The following GRP variants were observed in gnomAD, a reference collection of about 807,000 sequenced individuals.
The protein encoded by GRP is gastrin releasing peptide.
Under a neutral mutation model 12.7 loss-of-function variants are expected in GRP, and 11 were observed. The observed-to-expected ratio is 0.87, with a 90% CI of 0.55 to 1.44. The LOEUF (loss-of-function observed/expected upper bound fraction) is 1.44. Ranked by LOEUF, GRP falls within the 40% of genes most tolerant of loss-of-function variation. GRP has a pLI of 0.00. For missense variants in GRP, 212 were observed against 185.4 expected (o/e 1.14, Z -0.83); for synonymous variants, 84 against 77.7 (o/e 1.08, Z -0.43).
chr18:59,230,328 T>C (rs1218193742), intron 2 of GRP, 76 bp from the exon 3 acceptor site: 2 of 859,252 alleles, frequency 2.3e-6, no homozygotes, highest in African/African-American at 3.3e-5. Context: ...TGCTGATGAC[T>C]TGTAGGAATG....
rs1357534778 is a variant in GRP at position 59,220,387 on chromosome 18, G to A, written c.122G>A (p.Gly41Asp). ...GTVLTKMYPR[G>D]NHWAVGHLMG... ...GTGCTGACCAAGATGTACCCGCGCGGCAACCACTGGGCGGTGGGTGAGTGT... is the reference window on the plus strand; with the variant it reads ...GTGCTGACCAAGATGTACCCGCGCGACAACCACTGGGCGGTGGGTGAGTGT... The change falls in exon 1 of 3, where the codon GGC (glycine) becomes GAC (aspartate). Residue 41 changes from glycine to aspartate, a missense_variant. Gly to Asp is a moderately conservative substitution (Grantham distance 94). Transcript: ENST00000256857. 1.3e-5 allele frequency: 19 copies of A among 1,407,626 alleles called. No homozygotes were observed. Among genetic ancestry groups the A allele is most frequent in the Non-Finnish European group, 1.6e-5 (17 of 1,079,392 alleles). The allele number at this position is 1,407,626 out of a possible 1,614,324, so 87.2% of individuals were successfully genotyped here.
intron 1 of GRP, among the ~76,000 whole-genome samples, chr18:59,222,762 G>C (rs1247985544): frequency 6.6e-6 from 1 of 152,228 alleles, no homozygotes; most frequent in African/African-American, 2.4e-5. Context: ...TTCTAGCTGA[G>C]AGAAGCATGG....
intron 1 of GRP, among the ~76,000 whole-genome samples, chr18:59,224,235 G>GT (rs2069879594): frequency 2.5e-4 from 38 of 152,204 alleles, no homozygotes; most frequent in Admixed American, 2.3e-3. Flanking sequence ...GTGACCTCTG[G>GT]CAAGTCTCAT....
rs1202836018 is a variant in GRP at position 59,230,681 on chromosome 18, A to G, written c.*213A>G. ...AATTGTCGAAAAGAGTCTTCCAATT[A>G]ATGCTTTTTTATATCTAGGCTACCT... On this transcript the variant is annotated 3_prime_UTR_variant, in exon 3 of 3. Coordinates refer to ENST00000256857, the MANE Select transcript of GRP (RefSeq NM_002091.5). 2.6e-5 allele frequency: 14 copies of G among 545,530 alleles called. No homozygotes were observed. The East Asian group carries it at 4.2e-4, about 16-fold the overall frequency. 33.8% of individuals were successfully genotyped at this position (545,530 alleles called of 1,614,324 possible). A position where few individuals can be genotyped will look rare whatever the true frequency, so the allele number is the denominator to read the frequency against.
Position 59,225,557 on chromosome 18 carries a change from C to G in GRP, c.205C>G (p.Gln69Glu). ...TGTTTCTGAGAGAGGGAGCCTGAAG[C>G]AGCAGCTGAGAGAGTACATCAGGTG... ...SSVSERGSLKQQLREYIRWEE... is the reference protein window; with the variant it reads ...SSVSERGSLKEQLREYIRWEE... The change falls in exon 2 of 3, where the codon CAG becomes GAG. Residue 69 changes from glutamine to glutamate, a missense_variant. Gln to Glu is a conservative substitution (Grantham distance 29). Transcript: ENST00000256857. The G allele has an allele frequency of 1.2e-6, 2 of 1,613,844 alleles. No individual in the cohort carries two copies. The highest frequency in any genetic ancestry group is 2.2e-5 in the East Asian group (1 of 44,878).
At chr18:59,229,175 A>G (rs1007625921) in intron 2 of GRP, among the ~76,000 whole-genome samples, 1 of 152,048 alleles carries the variant, frequency 6.6e-6, no homozygotes, top group African/African-American at 2.4e-5. Context: ...ACTTTCTATG[A>G]AGGAGTAGAG....
chr18:59,225,577 C>G lies in GRP; in HGVS notation c.225C>G (p.Ile75Met). 6.2e-7 allele frequency: 1 copy of G among 1,613,946 alleles called. No individual in the cohort carries two copies. The highest frequency in any genetic ancestry group is 1.3e-5 in the African/African-American group (1 of 75,006). The change falls in exon 2 of 3, where the codon ATC (isoleucine) becomes ATG (methionine). Residue 75 changes from isoleucine (I) to methionine (M), a missense_variant. Coordinates refer to ENST00000256857, the MANE Select transcript of GRP (RefSeq NM_002091.5). ...GSLKQQLREY[I>M]RWEEAARNLL... ...TGAAGCAGCAGCTGAGAGAGTACAT[C>G]AGGTGGGAAGAAGCTGCAAGGAATT... is the stretch of plus-strand genomic sequence containing the variant.
At position 59,220,299 on chromosome 18, in the gene GRP, G is replaced by A. The variant is rs35957920; in HGVS notation, c.34G>A (p.Ala12Thr). 1.9e-5 allele frequency: 28 copies of A among 1,504,944 alleles called. No homozygotes were observed. In the African/African-American group the frequency reaches 3.3e-4, roughly 18 times the overall value. 93.2% of individuals were successfully genotyped at this position (1,504,944 alleles called of 1,614,324 possible). ...CCGTGAGCTCCCGCTGGTCCTGCTGGCGCTGGTCCTCTGCCTGGCGCCCCG... is the reference window on the plus strand; with the variant it reads ...CCGTGAGCTCCCGCTGGTCCTGCTGACGCTGGTCCTCTGCCTGGCGCCCCG... Reference protein sequence around the residue: ...RGRELPLVLLALVLCLAPRGR... With the variant: ...RGRELPLVLLTLVLCLAPRGR... The change falls in exon 1 of 3, where the codon GCG becomes ACG. Residue 12 changes from alanine (A) to threonine (T), a missense_variant. Ala to Thr is a moderately conservative substitution (Grantham distance 58, BLOSUM62 0). Coordinates refer to ENST00000256857, the MANE Select transcript of GRP (RefSeq NM_002091.5).
chr18:59,220,108 G>GC (rs1360300068), upstream of GRP: 37 of 218,964 alleles, frequency 1.7e-4, no homozygotes, highest in Non-Finnish European at 2.8e-4. Context: ...GAGCCCCCCA[G>GC]CCCCCCCGCC....
intron 1 of GRP, among the ~76,000 whole-genome samples, chr18:59,223,440 A>G (rs772859676): frequency 6.6e-5 from 10 of 152,340 alleles, no homozygotes; most frequent in Middle Eastern, 3.4e-3. Context: ...TGATCCCCAC[A>G]CATTCCCCAT....
At chr18:59,222,495 T>G (rs1428691696) in intron 1 of GRP, among the ~76,000 whole-genome samples, 1 of 152,156 alleles carries the variant, frequency 6.6e-6, no homozygotes, top group Non-Finnish European at 1.5e-5. Context: ...GAAACTCACA[T>G]TTTAGCCTAA....
intron 2 of GRP, among the ~76,000 whole-genome samples, chr18:59,226,976 T>C (rs561421225): frequency 5.9e-5 from 9 of 151,740 alleles, no homozygotes; most frequent in Admixed American, 1.3e-4. Flanking sequence ...GTTCTGGCTA[T>C]GTGGTTTCTT....
At chr18:59,229,447 A>G (rs10221365) in intron 2 of GRP, among the ~76,000 whole-genome samples, 82,546 of 151,972 alleles carry the variant, frequency 0.54, 22,507 homozygotes, top group East Asian at 0.67. Context: ...TCGGACAGGC[A>G]GCAGGCTTTA....
At chr18:59,226,674 TCTTCCAGAAATGGTC>T in intron 2 of GRP, among the ~76,000 whole-genome samples, 1 of 152,318 alleles carries the variant, frequency 6.6e-6, no homozygotes, top group East Asian at 1.9e-4. Flanking sequence ...ATGCCAGACA[TCTTCCAGAAATGGTC>T]CTCATTGATC....
chr18:59,225,866 T>G (rs1035326128), intron 2 of GRP, 132 bp downstream of exon 2: 1 of 699,022 alleles, frequency 1.4e-6, no homozygotes, highest in East Asian at 2.5e-5. Context: ...GGCTAACACA[T>G]GCTAAGCACA....
chr18:59,230,440 G>T lies in GRP; in HGVS notation c.419G>T (p.Gly140Val). Reference protein sequence around the residue: ...RLSAPGSQREGRNPQLNQQ With the variant: ...RLSAPGSQREVRNPQLNQQ ...TCTGCTCCAGGTTCTCAACGTGAAGGAAGGAACCCCCAGCTGAACCAGCAA... is the reference window on the plus strand; with the variant it reads ...TCTGCTCCAGGTTCTCAACGTGAAGTAAGGAACCCCCAGCTGAACCAGCAA... Residue 140 changes from glycine to valine, a missense_variant, in exon 3 of 3, where the codon GGA becomes GTA. Gly to Val is a moderately radical substitution (Grantham distance 109, BLOSUM62 -3). Transcript: ENST00000256857. 6.3e-7 allele frequency: 1 copy of T among 1,593,532 alleles called. No homozygotes were observed. Among genetic ancestry groups the T allele is most frequent in the East Asian group, 2.2e-5 (1 of 44,830 alleles).
upstream of GRP, among the ~76,000 whole-genome samples, chr18:59,219,399 CAGAG>C (rs144735851): frequency 1.5e-5 from 2 of 137,106 alleles, no homozygotes; most frequent in Non-Finnish European, 1.6e-5. Context: ...GAGAGAGAGA[CAGAG>C]AGAGAGAGAG....
upstream of GRP, among the ~76,000 whole-genome samples, chr18:59,219,723 T>C (rs1252239443): frequency 6.6e-6 from 1 of 151,972 alleles, no homozygotes; most frequent in Non-Finnish European, 1.5e-5. Flanking sequence ...CTTCAAATGG[T>C]GGTTCCAAAT....
chr18:59,221,662 T>C (rs2069838085), intron 1 of GRP, among the ~76,000 whole-genome samples: 1 of 152,046 alleles, frequency 6.6e-6, no homozygotes, highest in African/African-American at 2.4e-5. Flanking sequence ...GAACGGTGTG[T>C]TGAACAAGTA....
Sources: allele counts gnomAD v4.1 joint callset (sites outside exome capture counted in the v4.1 genomes callset), GRCh38; gene constraint gnomAD v4.1.1; transcripts MANE v1.5; gene names NCBI Gene and HGNC (gene_info 2026-07-23, HGNC 2026-07-21).